Variants in DCAF5 observed in about 807,000 individuals in gnomAD.
DCAF5 encodes DDB1- and CUL4-associated factor 5.
DCAF5 carries 9 observed loss-of-function variants against 80.7 expected under a neutral mutation model. The ratio of observed to expected loss-of-function variants is 0.11; its 90% CI spans 0.07 to 0.19. DCAF5 has a LOEUF of 0.19. Among genes scored for constraint, DCAF5 ranks in the 10% least tolerant of loss-of-function variants. The pLI is 1.00. For missense variants in DCAF5, 842 were observed against 1,205.7 expected, an observed-to-expected ratio of 0.70 and a Z score of 4.47; for synonymous variants, 433 against 461.9, an observed-to-expected ratio of 0.94 and a Z score of 0.80.
At chr14:69,111,385 G>A (rs1272099090) in intron 5 of DCAF5, among the ~76,000 whole-genome samples, 1 of 152,124 alleles carries the variant, frequency 6.6e-6, no homozygotes, top group African/African-American at 2.4e-5. Flanking sequence ...TGAAAGCACC[G>A]TCTTATAAGA....
intron 1 of DCAF5, among the ~76,000 whole-genome samples, chr14:69,128,782 C>CA (rs1294684071): frequency 2.0e-5 from 3 of 151,838 alleles, no homozygotes; most frequent in Non-Finnish European, 2.9e-5. Flanking sequence ...CAAACAACAA[C>CA]AAAAAAACCA....
At chr14:69,123,257 A>C (rs988159312) in intron 1 of DCAF5, among the ~76,000 whole-genome samples, 13 of 152,264 alleles carry the variant, frequency 8.5e-5, no homozygotes, top group African/African-American at 3.1e-4. Context: ...TGCATAAAAC[A>C]AAATTTTTAA....
chr14:69,128,148 T>G (rs191823546), intron 1 of DCAF5, among the ~76,000 whole-genome samples: 1 of 152,158 alleles, frequency 6.6e-6, no homozygotes, highest in African/African-American at 2.4e-5. Context: ...ATGCATACAC[T>G]ATACTATTCT....
chr14:69,118,447 G>C lies in DCAF5; in HGVS notation c.396-169C>G, dbSNP rs1752986127. Among the ~76,000 whole-genome samples, 1 of 151,788 alleles carries C rather than the reference G, an allele frequency of 6.6e-6. No individual in the cohort carries two copies. Among genetic ancestry groups the C allele is most frequent in the South Asian group, 2.1e-4 (1 of 4,820 alleles). ...TGAAAGGTAGGTAGTCAACTTTCAG[G>C]TTAAAAAAAAGGTACTATTAAGGAG... is the stretch of plus-strand genomic sequence containing the variant. On this transcript the variant is annotated intron_variant, in intron 3 of 8. Transcript: ENST00000341516. This position sits in a 1 kb window ranked among gnomAD's most constrained non-coding sequence, Gnocchi z 4.0.
intron 1 of DCAF5, among the ~76,000 whole-genome samples, chr14:69,127,906 T>C (rs1030591088): frequency 4.6e-5 from 7 of 152,200 alleles, no homozygotes; most frequent in Admixed American, 6.5e-5. Context: ...CAACATTTTG[T>C]CAAATCCGAT....
At chr14:69,117,840 A>C (rs1175357402) in intron 4 of DCAF5, among the ~76,000 whole-genome samples, 1 of 152,158 alleles carries the variant, frequency 6.6e-6, no homozygotes, top group Non-Finnish European at 1.5e-5. Context: ...TAAATAATCA[A>C]GAATAGTTAC....
Position 69,062,429 on chromosome 14 carries a change from G to C in DCAF5, c.1029C>G (p.Pro343=), listed in dbSNP as rs141248749. 7 of 1,614,036 alleles carry C rather than the reference G, an allele frequency of 4.3e-6. No homozygotes were observed. The highest frequency in any genetic ancestry group is 5.9e-6 in the Non-Finnish European group (7 of 1,179,936). Residue 343 remains proline (P), a synonymous_variant, in exon 8 of 9, where the codon CCC becomes CCG. Transcript: ENST00000341516. ...RSIVNQVRFN[P]HTYMICSSGV... ...CAGAAGAGCAGATCATGTAGGTGTG[G>C]GGATTAAATCGGACTTGGTTAACAA...
Position 69,052,769 on chromosome 14 carries a change from G to A in DCAF5, c.*1088C>T, listed in dbSNP as rs1405504092. ...GATGCCTACTGCTCTGCAAAGTCTA[G>A]TGAGAACACCACAGCCTCTATCAAC... On this transcript the variant is annotated 3_prime_UTR_variant, in exon 9 of 9. Coordinates refer to ENST00000341516, the MANE Select transcript of DCAF5 (RefSeq NM_003861.3). 6.6e-6 allele frequency: 1 copy of A among 152,222 alleles called. No individual in the cohort carries two copies. Among genetic ancestry groups the A allele is most frequent in the African/African-American group, 2.4e-5 (1 of 41,444 alleles). The allele number at this position is 152,222 out of a possible 1,614,324, so 9.4% of individuals were successfully genotyped here. A position where few individuals can be genotyped will look rare whatever the true frequency, so the allele number is the denominator to read the frequency against.
At chr14:69,092,019 G>C (rs1759930251) in intron 5 of DCAF5, 132 bp from the exon 6 acceptor site, 1 of 719,276 alleles carries the variant, frequency 1.4e-6, no homozygotes, top group Non-Finnish European at 2.3e-6. Context: ...CTGTGCAGTG[G>C]CTAGAATAAT....
chr14:69,112,660 G>A (rs929732632), intron 5 of DCAF5, among the ~76,000 whole-genome samples: 1 of 150,604 alleles, frequency 6.6e-6, no homozygotes, highest in Non-Finnish European at 1.5e-5. Flanking sequence ...ACCTCTCTGT[G>A]CCTTGATTTT....
intron 5 of DCAF5, among the ~76,000 whole-genome samples, chr14:69,109,204 C>T (rs1258920550): frequency 6.6e-6 from 1 of 151,762 alleles, no homozygotes; most frequent in African/African-American, 2.4e-5. Flanking sequence ...ATTAGCCGGG[C>T]GTGGTGGCGG....
At chr14:69,075,456 T>C (rs561604596) in intron 6 of DCAF5, 45 bp from the exon 7 acceptor site, 1 of 1,211,832 alleles carries the variant, frequency 8.3e-7, no homozygotes, top group Non-Finnish European at 1.1e-6. Context: ...TATTATAATA[T>C]AGAATAAATA....
chr14:69,066,957 G>A (rs2038467349), intron 7 of DCAF5, among the ~76,000 whole-genome samples: 1 of 152,218 alleles, frequency 6.6e-6, no homozygotes, highest in Non-Finnish European at 1.5e-5. Context: ...ATTTCTTGAT[G>A]TCTTGGTCTA....
intron 2 of DCAF5, among the ~76,000 whole-genome samples, chr14:69,119,481 T>C (rs914216582): frequency 5.3e-5 from 8 of 150,724 alleles, no homozygotes; most frequent in African/African-American, 2.0e-4. Flanking sequence ...TATTATCCAG[T>C]GGATGATGTA....
chr14:69,094,345 C>G (rs2039629741), intron 5 of DCAF5, among the ~76,000 whole-genome samples: 1 of 152,320 alleles, frequency 6.6e-6, no homozygotes, highest in African/African-American at 2.4e-5. Flanking sequence ...CTCCCTGACC[C>G]ACCATCTGCA....
chr14:69,145,035 A>G (rs577645805), intron 1 of DCAF5, among the ~76,000 whole-genome samples: 1 of 152,314 alleles, frequency 6.6e-6, no homozygotes, highest in East Asian at 1.9e-4. Context: ...CATTTTTGCC[A>G]TATCAACATA....
At chr14:69,056,915 C>T (rs1250327571) in intron 8 of DCAF5, among the ~76,000 whole-genome samples, 1 of 152,190 alleles carries the variant, frequency 6.6e-6, no homozygotes, top group Non-Finnish European at 1.5e-5. Context: ...AACTTTGTTC[C>T]CTACCCATAA....
intron 5 of DCAF5, among the ~76,000 whole-genome samples, chr14:69,108,601 T>G (rs527495403): frequency 6.6e-6 from 1 of 152,210 alleles, no homozygotes; most frequent in East Asian, 1.9e-4. Flanking sequence ...TCAGCCAGGA[T>G]GATTATAAGA....
At chr14:69,143,598 C>A (rs1172860291) in intron 1 of DCAF5, among the ~76,000 whole-genome samples, 1 of 127,260 alleles carries the variant, frequency 7.9e-6, no homozygotes, top group Non-Finnish European at 1.6e-5. Flanking sequence ...AATGTCTCAG[C>A]TGAACATTGG....
Sources: gnomAD v4.1 joint callset for allele counts (sites outside exome capture counted in the v4.1 genomes callset) on GRCh38, gnomAD v4.1.1 for gene constraint, Gnocchi (gnomAD v3.1) non-coding constraint, MANE v1.5 for transcripts, NCBI Gene and HGNC (gene_info 2026-07-23, HGNC 2026-07-21) for gene names.